The following RCBTB2 variants were observed in gnomAD, a reference collection of about 807,000 sequenced individuals.
The protein encoded by RCBTB2 is RCC1 and BTB domain containing protein 2.
Under a neutral mutation model 65.4 loss-of-function variants are expected in RCBTB2, and 55 were observed. That is an observed-to-expected ratio of 0.84 (90% CI 0.68 to 1.05). The LOEUF is 1.05. Among genes scored for constraint, RCBTB2 ranks in the 50% least tolerant of loss-of-function variants. The pLI is 0.00. For missense variants in RCBTB2, 599 were observed against 680.1 expected, an observed-to-expected ratio of 0.88 and a Z score of 1.33; for synonymous variants, 220 against 255.2, an observed-to-expected ratio of 0.86 and a Z score of 1.31.
chr13:48,520,609 A>G (rs988497950), intron 4 of RCBTB2, among the ~76,000 whole-genome samples: 1 of 152,180 alleles, frequency 6.6e-6, no homozygotes, highest in South Asian at 2.1e-4. Flanking sequence ...ATATTAGCTC[A>G]AGGAAAACAT....
At chr13:48,513,671 C>A (rs1555305508) in intron 6 of RCBTB2, among the ~76,000 whole-genome samples, 1 of 152,164 alleles carries the variant, frequency 6.6e-6, no homozygotes, top group Non-Finnish European at 1.5e-5. Context: ...TGGATCTTTT[C>A]AAATCTTCTA....
At chr13:48,533,133 C>G (rs751963548), upstream of RCBTB2, 10 of 404,344 alleles carry the variant, frequency 2.5e-5, no homozygotes, top group South Asian at 8.4e-5. Context: ...TGAAACGGCC[C>G]GGCCTCGGCG....
chr13:48,502,297 C>G (rs528638685), intron 11 of RCBTB2, among the ~76,000 whole-genome samples: 15 of 152,234 alleles, frequency 9.9e-5, no homozygotes, highest in African/African-American at 3.6e-4. Context: ...TTAAGACCAG[C>G]CTGGGCAACA....
intron 11 of RCBTB2, among the ~76,000 whole-genome samples, chr13:48,502,102 C>T (rs1485109332): frequency 6.6e-6 from 1 of 152,140 alleles, no homozygotes; most frequent in East Asian, 1.9e-4. Context: ...GAAAAAGTCC[C>T]AAGCCACATC....
intron 10 of RCBTB2, among the ~76,000 whole-genome samples, chr13:48,507,423 T>C (rs1950559630): frequency 6.6e-6 from 1 of 152,216 alleles, no homozygotes; most frequent in Admixed American, 6.5e-5. Context: ...TAACCTTTAC[T>C]GTCAGGATGT....
chr13:48,503,142 A>G (rs1950322770), intron 10 of RCBTB2, among the ~76,000 whole-genome samples: 2 of 152,246 alleles, frequency 1.3e-5, no homozygotes, highest in Non-Finnish European at 2.9e-5. Flanking sequence ...AATGGCACTT[A>G]TAACTCATGA....
chr13:48,526,957 A>C (rs1337854891), intron 1 of RCBTB2, among the ~76,000 whole-genome samples: 2 of 152,102 alleles, frequency 1.3e-5, no homozygotes, highest in Non-Finnish European at 2.9e-5. Flanking sequence ...AAATAGGAGG[A>C]TTAAATAACA....
Position 48,512,815 on chromosome 13 carries a change from G to C in RCBTB2, c.430C>G (p.His144Asp). The change falls in exon 7 of 15, where the codon CAT (histidine) becomes GAT (aspartate). Residue 144 changes from histidine (H) to aspartate (D), a missense_variant. His to Asp is a moderately conservative substitution (Grantham distance 81). Coordinates refer to ENST00000344532, the MANE Select transcript of RCBTB2 (RefSeq NM_001268.4). ...TTGTTTGACAGATTAGTAGAGATAT[G>C]ACAGGGCACTAAACCATGATTAGTT... ...GTTNHGLVPC[H>D]ISTNLSNKQV... 6.2e-7 allele frequency: 1 copy of C among 1,613,910 alleles called. No individual in the cohort carries two copies. The highest frequency in any genetic ancestry group is 8.5e-7 in the Non-Finnish European group (1 of 1,179,806).
chr13:48,510,513 G>C, intron 10 of RCBTB2, 116 bp downstream of exon 10: 3 of 1,220,926 alleles, frequency 2.5e-6, no homozygotes, highest in African/African-American at 1.5e-5. Flanking sequence ...AAATACTCTT[G>C]TTAAATAATA....
Position 48,515,586 on chromosome 13 carries a change from C to T in RCBTB2, c.198G>A (p.Glu66=). ...GCTGATTTATTTTCTTCAAAATTAC[C>T]TCATCATTTACTGTAGTGTATAAAA... The part of the protein sequence containing the change: ...NEVLYTTVND[E]IFVLGTNCCG... Residue 66 remains glutamate (E), a splice_region_variant and synonymous_variant, in exon 5 of 15, where the codon GAG becomes GAA. Coordinates refer to ENST00000344532, the MANE Select transcript of RCBTB2 (RefSeq NM_001268.4). 1.3e-6 allele frequency: 2 copies of T among 1,583,870 alleles called. No individual in the cohort carries two copies. Among genetic ancestry groups the T allele is most frequent in the Non-Finnish European group, 1.7e-6 (2 of 1,169,962 alleles).
At chr13:48,523,331 GTTTTGT>G (rs1200771390) in intron 2 of RCBTB2, among the ~76,000 whole-genome samples, 2 of 152,078 alleles carry the variant, frequency 1.3e-5, no homozygotes, top group Admixed American at 6.5e-5. Flanking sequence ...AGCACTTTTT[GTTTTGT>G]TTTTAACTAC....
chr13:48,495,477 C>T (rs1456713615), intron 14 of RCBTB2, among the ~76,000 whole-genome samples: 1 of 152,220 alleles, frequency 6.6e-6, no homozygotes, highest in Non-Finnish European at 1.5e-5. Context: ...CAAGCCTCCA[C>T]TATTCACACT....
chr13:48,491,257 A>T (rs1481261011), intron 14 of RCBTB2, among the ~76,000 whole-genome samples: 3 of 152,250 alleles, frequency 2.0e-5, no homozygotes, highest in Non-Finnish European at 4.4e-5. Context: ...AAAAAATAGC[A>T]ATGCTGATAG....
In RCBTB2 at chr13:48,526,755, A is replaced by C. The variant is rs1049752190; in HGVS notation, c.-218-1998T>G. On this transcript the variant is annotated intron_variant, in intron 1 of 14. Coordinates refer to ENST00000344532, the MANE Select transcript of RCBTB2 (RefSeq NM_001268.4). ...ACATGGTGAAACCCCATCCCTACTA[A>C]AAATACAAAAATTAGCCAGGCGTAA... Among the ~76,000 whole-genome samples the C allele has an allele frequency of 1.1e-4, 17 of 151,804 alleles. 1 individual carries two copies. The highest frequency in any genetic ancestry group is 2.1e-4 in the Non-Finnish European group (14 of 67,960).
chr13:48,504,279 C>T (rs895447747), intron 10 of RCBTB2: 1 of 985,292 alleles, frequency 1.0e-6, no homozygotes, highest in African/African-American at 1.7e-5. Context: ...TCAGAACTTT[C>T]ACACGGGCAG....
chr13:48,503,183 G>T (rs1311879618), intron 10 of RCBTB2, among the ~76,000 whole-genome samples: 1 of 152,098 alleles, frequency 6.6e-6, no homozygotes, highest in African/African-American at 2.4e-5. Context: ...TAGCCAGTAG[G>T]CCTATAAAAA....
intron 10 of RCBTB2, among the ~76,000 whole-genome samples, chr13:48,504,578 G>A (rs1228393301): frequency 6.6e-6 from 1 of 152,140 alleles, no homozygotes; most frequent in African/African-American, 2.4e-5. Context: ...TTCCAGCCTG[G>A]CCCTGTTACT....
chr13:48,510,553 T>G, intron 10 of RCBTB2, 76 bp downstream of exon 10: 80 of 1,413,362 alleles, frequency 5.7e-5, no homozygotes, highest in Middle Eastern at 2.4e-4. Flanking sequence ...TTCCCCACCA[T>G]TCTCTATATA....
upstream of RCBTB2, chr13:48,535,782 G>A (rs779887358): frequency 1.5e-5 from 7 of 456,196 alleles, no homozygotes; most frequent in South Asian, 9.3e-5. Flanking sequence ...CTCTTGGTTC[G>A]TCCATCTCAC....
Sources: allele counts gnomAD v4.1 joint callset (sites outside exome capture counted in the v4.1 genomes callset), GRCh38; gene constraint gnomAD v4.1.1; transcripts MANE v1.5; gene names NCBI Gene and HGNC (gene_info 2026-07-23, HGNC 2026-07-21).